The following DPY19L3 variants were observed in gnomAD, a reference collection of about 807,000 sequenced individuals.
DPY19L3 encodes the protein dpy-19 like C-mannosyltransferase 3.
A neutral mutation model predicts 92.3 loss-of-function variants in DPY19L3; 51 were observed. That is an observed-to-expected ratio of 0.55 (90% confidence interval 0.44 to 0.70). The LOEUF is 0.70. DPY19L3 is among the 30% of genes least tolerant of loss of function. The pLI is 0.00. For synonymous variants in DPY19L3, 309 were observed against 315.2 expected (o/e 0.98, Z 0.21); for missense variants, 706 against 855.9 (o/e 0.82, Z 2.18).
At chr19:32,456,529 T>G (rs1453395331) in intron 10 of DPY19L3, among the ~76,000 whole-genome samples, 1 of 151,960 alleles carries the variant, frequency 6.6e-6, no homozygotes, top group African/African-American at 2.4e-5. Flanking sequence ...CTTGACCTCC[T>G]GGGCTCAAGC....
At chr19:32,444,646 A>T (rs959358909) in intron 8 of DPY19L3, among the ~76,000 whole-genome samples, 1 of 152,240 alleles carries the variant, frequency 6.6e-6, no homozygotes, top group South Asian at 2.1e-4. Flanking sequence ...ATCAAACAGG[A>T]TAAATCCAAA....
intron 3 of DPY19L3, among the ~76,000 whole-genome samples, chr19:32,418,730 A>C (rs1384995979): frequency 6.6e-6 from 1 of 152,156 alleles, no homozygotes; most frequent in Non-Finnish European, 1.5e-5. Flanking sequence ...TCTCATCAAA[A>C]TTGGTAGGTT....
In DPY19L3 at chr19:32,477,601, C is replaced by A. The variant is rs775990926; in HGVS notation, c.1777C>A (p.Leu593Ile). ...AGTCAAGCTGTGCACGGGAAGGACC[C>A]TAACCAACCACCCGCACTATGAAGA... ...AGVKLCTGRT[L>I]TNHPHYEDSS... Residue 593 changes from leucine (L) to isoleucine (I), a missense_variant, in exon 17 of 19, where the codon CTA becomes ATA. Physicochemically the swap from Leu to Ile is conservative, Grantham distance 5 (BLOSUM62 2). Coordinates refer to ENST00000392250, the MANE Select transcript of DPY19L3 (RefSeq NM_001172774.2). 1 of 1,614,132 alleles carries A rather than the reference C, an allele frequency of 6.2e-7. No homozygotes were observed. Among genetic ancestry groups the A allele is most frequent in the South Asian group, 1.1e-5 (1 of 91,078 alleles).
chr19:32,414,146 C>T (rs1167010682), intron 3 of DPY19L3, among the ~76,000 whole-genome samples: 3 of 152,038 alleles, frequency 2.0e-5, no homozygotes, highest in Admixed American at 6.6e-5. Context: ...GAGGGCCGGG[C>T]GCAGTGGCTC....
In DPY19L3 at chr19:32,458,092, C is replaced by G. The variant is rs1213862379; in HGVS notation, c.1090-8C>G. Reference sequence around the variant, plus strand: ...AATAGCAATTTTTGTTTTCTCTTTCCCCGATAGAAAATTCTTAACCTGAAG... The same window carrying G: ...AATAGCAATTTTTGTTTTCTCTTTCGCCGATAGAAAATTCTTAACCTGAAG... On this transcript the variant is annotated splice_polypyrimidine_tract_variant and splice_region_variant and intron_variant, in intron 10 of 18. Transcript: ENST00000392250. 1 of 1,607,082 alleles carries G rather than the reference C, an allele frequency of 6.2e-7. No homozygotes were observed. Among genetic ancestry groups the G allele is most frequent in the Non-Finnish European group, 8.5e-7 (1 of 1,177,780 alleles).
At chr19:32,470,803 T>TG (rs1970335695) in intron 16 of DPY19L3, among the ~76,000 whole-genome samples, 1 of 146,898 alleles carries the variant, frequency 6.8e-6, no homozygotes, top group Non-Finnish European at 1.5e-5. Flanking sequence ...TTTTTTTTTT[T>TG]GTAATTCTCA....
chr19:32,409,757 T>C (rs1323738302), intron 2 of DPY19L3, among the ~76,000 whole-genome samples: 1 of 152,204 alleles, frequency 6.6e-6, no homozygotes, highest in Non-Finnish European at 1.5e-5. Flanking sequence ...TGTCAGGCTC[T>C]TTTTTAACCA....
intron 16 of DPY19L3, among the ~76,000 whole-genome samples, chr19:32,475,477 G>A (rs776058627): frequency 6.6e-6 from 1 of 152,206 alleles, no homozygotes; most frequent in Non-Finnish European, 1.5e-5. Context: ...TCAAGTTATC[G>A]TATCGTTGAT....
rs1406751261 is a variant in DPY19L3, at chr19:32,482,426, C to T, written c.*186C>T. The stretch of plus-strand genomic sequence containing the variant: ...ATCTTCTACAAGCAGAAGTCTTTTT[C>T]GTTGTGTGTCTATCTTTCTCATTAA... On this transcript the variant is annotated 3_prime_UTR_variant, in exon 19 of 19. Transcript: ENST00000392250. The T allele has an allele frequency of 8.1e-6, 5 of 620,858 alleles. No individual in the cohort carries two copies. Among genetic ancestry groups the T allele is most frequent in the South Asian group, 2.2e-5 (1 of 44,880 alleles). 38.5% of individuals were successfully genotyped at this position (620,858 alleles called of 1,614,324 possible). A position where few individuals can be genotyped will look rare whatever the true frequency, so the allele number is the denominator to read the frequency against.
At chr19:32,411,961 C>G (rs1278759663) in intron 3 of DPY19L3, 1 of 152,332 alleles carries the variant, frequency 6.6e-6, no homozygotes, top group Non-Finnish European at 1.5e-5. Flanking sequence ...ACTGCAGCCT[C>G]AACCTCCTGG....
At chr19:32,457,192 G>C (rs1969892761) in intron 10 of DPY19L3, among the ~76,000 whole-genome samples, 1 of 152,142 alleles carries the variant, frequency 6.6e-6, no homozygotes, top group South Asian at 2.1e-4. Flanking sequence ...TGCATTTGAT[G>C]TTTTGCCAGT....
intron 1 of DPY19L3, 116 bp from the exon 2 acceptor site, chr19:32,408,097 AAAAG>A: frequency 5.0e-6 from 3 of 605,518 alleles, no homozygotes; most frequent in East Asian, 2.8e-5. Context: ...GGAAGAAAAA[AAAAG>A]GGAGGGCATG....
At chr19:32,411,494 G>A (rs1228024643) in intron 3 of DPY19L3, 122 bp downstream of exon 3, 1 of 937,634 alleles carries the variant, frequency 1.1e-6, no homozygotes, top group African/African-American at 1.7e-5. Context: ...AGAAAGGTTG[G>A]ACTATAGAGT....
Position 32,408,431 on chromosome 19 carries a change from A to G in DPY19L3, c.103+75A>G, listed in dbSNP as rs1968059698. 4 of 1,120,536 alleles carry G rather than the reference A, an allele frequency of 3.6e-6. No individual in the cohort carries two copies. The South Asian group carries it at 4.4e-5, about 12-fold the overall frequency. 69.4% of individuals were successfully genotyped at this position (1,120,536 alleles called of 1,614,324 possible). A position where few individuals can be genotyped will look rare whatever the true frequency, so the allele number is the denominator to read the frequency against. ...TATTAAAATGTCACTCTCCAATAGG[A>G]TAAAAATTTGGTGGGACCTAACAAT... On this transcript the variant is annotated intron_variant, in intron 2 of 18. Transcript: ENST00000392250.
At chr19:32,477,484 T>C in intron 16 of DPY19L3, 38 bp from the exon 17 acceptor site, 2 of 1,613,416 alleles carry the variant, frequency 1.2e-6, no homozygotes, top group Non-Finnish European at 1.7e-6. Flanking sequence ...TAAGGATCTC[T>C]TAACAGTGGG....
intron 15 of DPY19L3, chr19:32,468,330 T>C: frequency 1.0e-6 from 1 of 990,468 alleles, no homozygotes; most frequent in Non-Finnish European, 1.2e-6. Flanking sequence ...ATTCTACTTT[T>C]AGGGGTAAAT....
intron 3 of DPY19L3, among the ~76,000 whole-genome samples, chr19:32,416,294 A>G (rs1336591089): frequency 6.6e-6 from 1 of 152,232 alleles, no homozygotes; most frequent in East Asian, 1.9e-4. Flanking sequence ...TCTCCTTAGC[A>G]GCGGGGTGGA....
In DPY19L3 at chr19:32,477,736, G is replaced by A. The variant is rs1440928648; in HGVS notation, c.1830+82G>A. On this transcript the variant is annotated intron_variant, in intron 17 of 18. Coordinates refer to ENST00000392250, the MANE Select transcript of DPY19L3 (RefSeq NM_001172774.2). Reference sequence around the variant, plus strand: ...CCCTATGTGTGGTAAAGATGGGGCTGAATGCTGCACCCTCCAGCATTAGGT... The same window carrying A: ...CCCTATGTGTGGTAAAGATGGGGCTAAATGCTGCACCCTCCAGCATTAGGT... 6.4e-6 allele frequency: 10 copies of A among 1,560,108 alleles called. No homozygotes were observed. In the Admixed American group the frequency reaches 7.1e-5, roughly 11 times the overall value.
intron 8 of DPY19L3, among the ~76,000 whole-genome samples, chr19:32,446,255 G>A (rs1969496377): frequency 6.6e-6 from 1 of 151,926 alleles, no homozygotes; most frequent in South Asian, 2.1e-4. Context: ...TGAAAAAACA[G>A]TACAGATAAA....
Sources: gnomAD v4.1 joint callset for allele counts (sites outside exome capture counted in the v4.1 genomes callset) on GRCh38, gnomAD v4.1.1 for gene constraint, MANE v1.5 for transcripts, NCBI Gene and HGNC (gene_info 2026-07-23, HGNC 2026-07-21) for gene names.